The following SYTL3 variants were observed in gnomAD, a reference collection of about 807,000 sequenced individuals.
SYTL3 encodes synaptotagmin like 3, also known as synaptotagmin-like protein 3.
In SYTL3, 88 loss-of-function variants were observed where a neutral mutation model predicts 82.1. That is an observed-to-expected ratio of 1.07 (90% CI 0.90 to 1.28). SYTL3 has a LOEUF of 1.28. Ranked by LOEUF, SYTL3 falls within the 50% of genes most tolerant of loss-of-function variation. The pLI is 0.00. For synonymous variants in SYTL3, 311 were observed against 289.4 expected (o/e 1.07, Z -0.76); for missense variants, 831 against 757.6 (o/e 1.10, Z -1.14).
At chr6:158,692,121 G>C (rs1779949679) in intron 6 of SYTL3, among the ~76,000 whole-genome samples, 2 of 148,514 alleles carry the variant, frequency 1.3e-5, no homozygotes, top group African/African-American at 4.9e-5. Context: ...AGCCGGGCGT[G>C]GTGGCGGGCG....
At chr6:158,710,217 G>A (rs1220090130) in intron 8 of SYTL3, among the ~76,000 whole-genome samples, 8 of 152,132 alleles carry the variant, frequency 5.3e-5, no homozygotes, top group African/African-American at 1.9e-4. Flanking sequence ...CATCAGAAAG[G>A]GAAGTGTAGA....
At chr6:158,725,986 G>T in intron 11 of SYTL3, 1 of 666,118 alleles carries the variant, frequency 1.5e-6, no homozygotes, top group Non-Finnish European at 2.9e-6. Context: ...GGTTGGAGCT[G>T]CGTTAGGCAT....
chr6:158,667,609 G>T (rs1047266838), intron 5 of SYTL3, among the ~76,000 whole-genome samples: 50 of 152,270 alleles, frequency 3.3e-4, no homozygotes, highest in African/African-American at 1.1e-3. Flanking sequence ...ACCTAGAAAA[G>T]GTTTTTGACC....
intron 6 of SYTL3, among the ~76,000 whole-genome samples, chr6:158,698,695 A>G (rs966249354): frequency 6.6e-6 from 1 of 152,230 alleles, no homozygotes; most frequent in Non-Finnish European, 1.5e-5. Flanking sequence ...CACTTGTATA[A>G]GGGGATATTG....
chr6:158,658,549 T>C (rs1788977755), intron 2 of SYTL3, among the ~76,000 whole-genome samples: 2 of 152,318 alleles, frequency 1.3e-5, no homozygotes, highest in South Asian at 4.1e-4. Context: ...GATGCTACCA[T>C]AGGATGATGC....
At chr6:158,761,047 G>A (rs1215644771) in intron 15 of SYTL3, among the ~76,000 whole-genome samples, 1 of 152,100 alleles carries the variant, frequency 6.6e-6, no homozygotes, top group Non-Finnish European at 1.5e-5. Flanking sequence ...TGGGGAAACC[G>A]TGGCCCCTCC....
chr6:158,751,651 A>G (rs548687989), intron 12 of SYTL3, among the ~76,000 whole-genome samples: 91 of 152,332 alleles, frequency 6.0e-4, no homozygotes, highest in African/African-American at 2.2e-3. Context: ...CAAATGGAGT[A>G]GGGCCTGAGG....
At chr6:158,674,002 G>A (rs1276331862) in intron 5 of SYTL3, among the ~76,000 whole-genome samples, 1 of 150,520 alleles carries the variant, frequency 6.6e-6, no homozygotes, top group Admixed American at 6.6e-5. Context: ...GAGAATCGCT[G>A]GAACCTGAGA....
At chr6:158,737,733 G>A (rs907960947) in intron 11 of SYTL3, among the ~76,000 whole-genome samples, 1 of 152,244 alleles carries the variant, frequency 6.6e-6, no homozygotes, top group African/African-American at 2.4e-5. Flanking sequence ...AGCCCTGCCA[G>A]GGCGATGGTG....
upstream of SYTL3, among the ~76,000 whole-genome samples, chr6:158,647,890 T>A (rs544806478): frequency 1.0e-4 from 16 of 152,384 alleles, no homozygotes; most frequent in East Asian, 1.7e-3. Context: ...GGAGTCAAAT[T>A]TCTTGAATAC....
At chr6:158,690,245 A>G (rs1779720080) in intron 6 of SYTL3, among the ~76,000 whole-genome samples, 1 of 152,272 alleles carries the variant, frequency 6.6e-6, no homozygotes, top group Non-Finnish European at 1.5e-5. Context: ...AAGTGAATAA[A>G]TAAATTGAGC....
intron 11 of SYTL3, 70 bp downstream of exon 11, chr6:158,725,707 G>A: frequency 6.4e-7 from 1 of 1,558,426 alleles, no homozygotes; most frequent in Non-Finnish European, 8.7e-7. Context: ...TAATGTACAA[G>A]TCCTTATTTC....
intron 6 of SYTL3, among the ~76,000 whole-genome samples, chr6:158,686,979 T>G (rs1182271876): frequency 6.6e-6 from 1 of 152,218 alleles, no homozygotes; most frequent in Non-Finnish European, 1.5e-5. Context: ...TTGCATGTTC[T>G]CTAGTGTTTT....
In SYTL3 at chr6:158,713,844, A is replaced by T. The variant is rs1445637825; in HGVS notation, c.561A>T (p.Glu187Asp). ...TTAGAGGATTTAATAAGTCCGTGGA[A>T]AATTTGTTTCTGTCTCTTGCTACCC... is the stretch of plus-strand genomic sequence containing the variant. ...GQFRGFNKSV[E>D]NLFLSLATHV... The change falls in exon 9 of 18, where the codon GAA (glutamate) becomes GAT (aspartate). Residue 187 changes from glutamate to aspartate, a missense_variant. Transcript: ENST00000611299. The T allele has an allele frequency of 6.4e-7, 1 of 1,550,886 alleles. No homozygotes were observed. The highest frequency in any genetic ancestry group is 2.4e-5 in the East Asian group (1 of 40,916).
chr6:158,665,352 G>A (rs374150131), intron 4 of SYTL3, 43 bp from the exon 5 acceptor site: 18 of 1,536,934 alleles, frequency 1.2e-5, no homozygotes, highest in African/African-American at 2.7e-5. Context: ...CTGGGGTCAG[G>A]TGTTCCATCT....
chr6:158,693,855 CTTT>C lies in SYTL3; in HGVS notation c.394+10882_394+10884del, dbSNP rs575358067. Among the ~76,000 whole-genome samples the C allele has an allele frequency of 5.2e-5, 5 of 96,864 alleles. 2 individuals are homozygous for C. Among genetic ancestry groups the C allele is most frequent in the African/African-American group, 2.7e-4 (5 of 18,624 alleles). The allele number at this position is 96,864 out of a possible 152,430, so 63.5% of individuals were successfully genotyped here. A position where few individuals can be genotyped will look rare whatever the true frequency, so the allele number is the denominator to read the frequency against. On this transcript the variant is annotated intron_variant, in intron 6 of 17. Coordinates refer to ENST00000611299, the MANE Select transcript of SYTL3 (RefSeq NM_001242394.2). Reference sequence around the variant, plus strand: ...TGCATCCAGCCTTTCTTTTTCTTTTCTTTTTTTTTTTTTTTTTTGTAGATACAG... The same window carrying C: ...TGCATCCAGCCTTTCTTTTTCTTTTCTTTTTTTTTTTTTTTGTAGATACAG...
intron 11 of SYTL3, among the ~76,000 whole-genome samples, chr6:158,737,626 C>T (rs996992152): frequency 2.6e-5 from 4 of 152,192 alleles, no homozygotes; most frequent in African/African-American, 9.7e-5. Flanking sequence ...TTGGGTTGCG[C>T]TTCTGGGCCA....
rs1157110297 is a variant in SYTL3, at chr6:158,691,764, G to A, written c.394+8775G>A. Among the ~76,000 whole-genome samples the A allele has an allele frequency of 2.0e-5, 3 of 151,052 alleles. No individual in the cohort carries two copies. In the East Asian group the frequency reaches 6.1e-4, roughly 30 times the overall value. On this transcript the variant is annotated intron_variant, in intron 6 of 17. Coordinates refer to ENST00000611299, the MANE Select transcript of SYTL3 (RefSeq NM_001242394.2). The stretch of plus-strand genomic sequence containing the variant: ...CCTCCCGGGTTCACGCCATTCTCCT[G>A]CCTCAGCCTCCTGAGTAGCTGGGAC...
intron 5 of SYTL3, among the ~76,000 whole-genome samples, chr6:158,674,541 C>T (rs949254471): frequency 1.3e-5 from 2 of 152,206 alleles, no homozygotes; most frequent in African/African-American, 2.4e-5. Flanking sequence ...CCAGGTTGAG[C>T]GGTTGCCCAC....
Sources: allele counts gnomAD v4.1 joint callset (sites outside exome capture counted in the v4.1 genomes callset), GRCh38; gene constraint gnomAD v4.1.1; transcripts MANE v1.5; gene names NCBI Gene and HGNC (gene_info 2026-07-23, HGNC 2026-07-21).